ZIC3: variants seen among roughly 807,000 people sequenced by gnomAD.
ZIC3 encodes zinc finger protein ZIC 3.
A neutral mutation model predicts 18.3 loss-of-function variants in ZIC3; 6 were observed. That is an observed-to-expected ratio of 0.33 (90% CI 0.18 to 0.65). The LOEUF is 0.65. ZIC3 is among the 30% of genes least tolerant of loss of function. The probability of loss-of-function intolerance (pLI) is 0.75; values close to 1 mark genes in which losing one functional copy is unlikely to be tolerated. For missense variants in ZIC3, 260 were observed against 410.0 expected (o/e 0.63, Z 3.16); for synonymous variants, 175 against 177.0 (o/e 0.99, Z 0.09).
chrX:137,567,154 G>A lies in ZIC3; in HGVS notation c.463G>A (p.Glu155Lys). Residue 155 changes from glutamate (E) to lysine (K), a missense_variant, in exon 1 of 3, where the codon GAG becomes AAG. By Grantham distance (56) the Glu-to-Lys change is moderately conservative. Coordinates refer to ENST00000287538, the MANE Select transcript of ZIC3 (RefSeq NM_003413.4). ...SSLHAPAGIP[E>K]PPSYLLFPGL... ...CCTGCATGCTCCAGCTGGCATCCCC[G>A]AGCCCCCTAGCTACTTGCTGTTTCC... The A allele has an allele frequency of 8.3e-7, 1 of 1,207,105 alleles. No homozygotes were observed. The highest frequency in any genetic ancestry group is 1.1e-6 in the Non-Finnish European group (1 of 892,690).
At position 137,567,323 on chromosome X, in the gene ZIC3, C is replaced by G. The variant is rs1249944559; in HGVS notation, c.632C>G (p.Ala211Gly). 5.8e-6 allele frequency: 7 copies of G among 1,211,503 alleles called. No individual in the cohort carries two copies. The highest frequency in any genetic ancestry group is 7.8e-6 in the Non-Finnish European group (7 of 895,606). The change falls in exon 1 of 3, where the codon GCG becomes GGG. Residue 211 changes from alanine to glycine, a missense_variant. This residue lies in a region of ZIC3 where 183 missense variants were observed against 223.8 expected (regional missense o/e 0.82). Transcript: ENST00000287538. ...PVASPRTDPYAAGAQFPNYSP... is the reference protein window; with the variant it reads ...PVASPRTDPYGAGAQFPNYSP... Reference sequence around the variant, plus strand: ...GCCAGCCCGCGCACGGACCCCTACGCGGCCGGCGCTCAGTTTCCTAACTAC... The same window carrying G: ...GCCAGCCCGCGCACGGACCCCTACGGGGCCGGCGCTCAGTTTCCTAACTAC...
chrX:137,575,145 C>T (rs928474880), downstream of ZIC3, among the ~76,000 whole-genome samples: 1 of 112,137 alleles, frequency 8.9e-6, no homozygotes, highest in African/African-American at 3.2e-5. Flanking sequence ...AAAAATGCCC[C>T]AAGAGCGGAC....
In ZIC3 at chrX:137,567,272, G is replaced by A; in HGVS notation, c.581G>A (p.Gly194Asp). The A allele has an allele frequency of 8.3e-7, 1 of 1,211,381 alleles. No individual in the cohort carries two copies. The highest frequency in any genetic ancestry group is 1.1e-6 in the Non-Finnish European group (1 of 895,544). Residue 194 changes from glycine (G) to aspartate (D), a missense_variant, in exon 1 of 3, where the codon GGC (glycine) becomes GAC (aspartate). Around this residue, in one of 4 missense-constraint regions of ZIC3, gnomAD observed 183 missense variants for 223.8 expected, o/e 0.82. Transcript: ENST00000287538. ...CTGGGGCTGCGTGGGGAGCTGTTCG[G>A]CCGTGCTGACCCATACCGCCCAGTG... is the stretch of plus-strand genomic sequence containing the variant. ...VHLGLRGELF[G>D]RADPYRPVAS...
intron 1 of ZIC3, 176 bp from the exon 2 acceptor site, chrX:137,568,726 C>G: frequency 1.0e-5 from 3 of 290,373 alleles, no homozygotes; most frequent in Non-Finnish European, 1.9e-5. Flanking sequence ...CTCCCAAACC[C>G]AGCGGGCTCA....
rs1569345668 is a variant in ZIC3, at chrX:137,567,127, A to T, written c.436A>T (p.Ser146Cys). Residue 146 changes from serine (S) to cysteine (C), a missense_variant, in exon 1 of 3, where the codon AGC becomes TGC. Physicochemically the swap from Ser to Cys is moderately radical, Grantham distance 112. Transcript: ENST00000287538. Reference protein sequence around the residue: ...QHGLFAGSASSLHAPAGIPEP... With the variant: ...QHGLFAGSASCLHAPAGIPEP... ...CGGGCTCTTCGCCGGCTCGGCGAGC[A>T]GCCTGCATGCTCCAGCTGGCATCCC... 4 of 1,206,570 alleles carry T rather than the reference A, an allele frequency of 3.3e-6. No homozygotes were observed. Among genetic ancestry groups the T allele is most frequent in the Non-Finnish European group, 4.5e-6 (4 of 893,072 alleles).
At chrX:137,573,345 A>G (rs1931466680), downstream of ZIC3, among the ~76,000 whole-genome samples, 1 of 111,519 alleles carries the variant, frequency 9.0e-6, no homozygotes, top group East Asian at 2.8e-4. Flanking sequence ...CACGCAAGAC[A>G]GAAGTTTGGC....
rs994406389 is a variant in ZIC3, at chrX:137,569,991, C to G, written c.1325C>G (p.Thr442Ser). 6.6e-6 allele frequency: 8 copies of G among 1,212,063 alleles called. No homozygotes were observed. Among genetic ancestry groups the G allele is most frequent in the Non-Finnish European group, 8.9e-6 (8 of 895,546 alleles). Residue 442 changes from threonine (T) to serine (S), a missense_variant, in exon 3 of 3, where the codon ACT becomes AGT. By Grantham distance (58) the Thr-to-Ser change is moderately conservative. This residue lies in a region of ZIC3 where 52 missense variants were observed against 111.5 expected (regional missense o/e 0.47). Coordinates refer to ENST00000287538, the MANE Select transcript of ZIC3 (RefSeq NM_003413.4). ...AIASANSKDT[T>S]KTPSAVQTST... Reference sequence around the variant, plus strand: ...GCTTCTGCAAACAGTAAAGATACCACTAAAACCCCTTCTGCAGTTCAAACT... The same window carrying G: ...GCTTCTGCAAACAGTAAAGATACCAGTAAAACCCCTTCTGCAGTTCAAACT...
chrX:137,568,360 A>G (rs1312027839), intron 1 of ZIC3, among the ~76,000 whole-genome samples: 1 of 109,657 alleles, frequency 9.1e-6, no homozygotes, highest in African/African-American at 3.3e-5. Context: ...CTATCTATCT[A>G]TCTATCTATC....
In ZIC3 at chrX:137,570,079, A is replaced by G. The variant is rs377035964; in HGVS notation, c.*9A>G. The G allele has an allele frequency of 1.2e-5, 15 of 1,209,186 alleles. No homozygotes were observed. In the Middle Eastern group the frequency reaches 1.2e-3, roughly 93 times the overall value. On this transcript the variant is annotated 3_prime_UTR_variant, in exon 3 of 3. Transcript: ENST00000287538. ...ACGAATGGTACGTCTGAGGACAAAC[A>G]CAAACCCTGTTAATTATAGAATGGA... is the stretch of plus-strand genomic sequence containing the variant.
Position 137,567,687 on chromosome X carries a change from C to T in ZIC3, c.996C>T (p.Phe332=), listed in dbSNP as rs766341980. The change falls in exon 1 of 3, where the codon TTC becomes TTT. Residue 332 remains phenylalanine (F), a synonymous_variant. Coordinates refer to ENST00000287538, the MANE Select transcript of ZIC3 (RefSeq NM_003413.4). ...GCGAGAAGCCCTTCCCATGCCCCTT[C>T]CCGGGCTGCGGGAAGATCTTTGCCC... The part of the protein sequence containing the change: ...HTGEKPFPCP[F]PGCGKIFARS... The T allele has an allele frequency of 9.9e-6, 12 of 1,212,598 alleles. No individual in the cohort carries two copies. The highest frequency in any genetic ancestry group is 1.3e-5 in the Non-Finnish European group (12 of 895,716).
chrX:137,573,802 A>G (rs1189569560), downstream of ZIC3: 1 of 112,854 alleles, frequency 8.9e-6, no homozygotes, highest in East Asian at 2.8e-4. Context: ...TCGGGGCTCC[A>G]GCTCAGCTGT....
rs148567981 is a variant in ZIC3, at chrX:137,567,523, C to T, written c.832C>T (p.Leu278=). Residue 278 remains leucine, a synonymous_variant, in exon 1 of 3, where the codon CTG becomes TTG. Coordinates refer to ENST00000287538, the MANE Select transcript of ZIC3 (RefSeq NM_003413.4). ...CDRTFSTMHE[L]VTHVTMEHVG... ...CCGGACCTTCAGCACCATGCATGAGCTGGTGACACATGTCACCATGGAGCA... is the reference window on the plus strand; with the variant it reads ...CCGGACCTTCAGCACCATGCATGAGTTGGTGACACATGTCACCATGGAGCA... The T allele has an allele frequency of 1.7e-5, 21 of 1,210,972 alleles. No homozygotes were observed. Among genetic ancestry groups the T allele is most frequent in the African/African-American group, 1.4e-4 (8 of 57,477 alleles).
downstream of ZIC3, among the ~76,000 whole-genome samples, chrX:137,575,277 G>A (rs1216677146): frequency 1.8e-5 from 2 of 112,027 alleles, no homozygotes; most frequent in African/African-American, 6.5e-5. Context: ...CGTTGCCCAG[G>A]CTCCGTTTTC....
exon 3 of ZIC3, chrX:137,577,626 T>C: frequency 8.3e-6 from 1 of 120,736 alleles, no homozygotes; most frequent in Non-Finnish European, 1.7e-5. Flanking sequence ...TTTATGTTTG[T>C]GTTCAGAAAG....
rs1170938324 is a variant in ZIC3, at chrX:137,572,097, A to G, written c.*2027A>G. Among the ~76,000 whole-genome samples, 1 of 112,257 alleles carries G rather than the reference A, an allele frequency of 8.9e-6. No homozygotes were observed. Among genetic ancestry groups the G allele is most frequent in the African/African-American group, 3.2e-5 (1 of 30,932 alleles). On this transcript the variant is annotated 3_prime_UTR_variant, in exon 3 of 3. Coordinates refer to ENST00000287538, the MANE Select transcript of ZIC3 (RefSeq NM_003413.4). ...AGTCTTGGCACATCTTATTTATGTT[A>G]TAACATTTTTGTATTTGGTGCCTGA...
chrX:137,568,313 ACTGT>A (rs1288316999), intron 1 of ZIC3, among the ~76,000 whole-genome samples: 1 of 108,491 alleles, frequency 9.2e-6, no homozygotes, highest in Non-Finnish European at 1.9e-5. Flanking sequence ...ATCTTGTAAA[ACTGT>A]CTGGAGCCCC....
chrX:137,574,626 CG>C (rs1436388798), downstream of ZIC3, among the ~76,000 whole-genome samples: 1 of 112,049 alleles, frequency 8.9e-6, no homozygotes, highest in Non-Finnish European at 1.9e-5. Flanking sequence ...GCCGTCGAGT[CG>C]GATTTTGCAG....
In ZIC3 at chrX:137,567,359, A is replaced by G. The variant is rs1034877221; in HGVS notation, c.668A>G (p.Asn223Ser). 15 of 1,211,427 alleles carry G rather than the reference A, an allele frequency of 1.2e-5. No homozygotes were observed. Among genetic ancestry groups the G allele is most frequent in the Non-Finnish European group, 1.7e-5 (15 of 895,507 alleles). The stretch of plus-strand genomic sequence containing the variant: ...CAGTTTCCTAACTACAGCCCCATGA[A>G]CATGAACATGGGAGTGAACGTGGCG... ...GAQFPNYSPMNMNMGVNVAAH... is the reference protein window; with the variant it reads ...GAQFPNYSPMSMNMGVNVAAH... Residue 223 changes from asparagine (N) to serine (S), a missense_variant, in exon 1 of 3, where the codon AAC becomes AGC. Physicochemically the swap from Asn to Ser is conservative, Grantham distance 46. Coordinates refer to ENST00000287538, the MANE Select transcript of ZIC3 (RefSeq NM_003413.4).
At position 137,568,934 on chromosome X, in the gene ZIC3, T is replaced by C; in HGVS notation, c.1093T>C (p.Cys365Arg). 1 of 1,211,113 alleles carries C rather than the reference T, an allele frequency of 8.3e-7. No homozygotes were observed. The highest frequency in any genetic ancestry group is 1.1e-6 in the Non-Finnish European group (1 of 895,354). Reference sequence around the variant, plus strand: ...ACCTTTCAAATGTGAATTTGAAGGCTGTGACAGACGCTTTGCCAACAGCAG... The same window carrying C: ...ACCTTTCAAATGTGAATTTGAAGGCCGTGACAGACGCTTTGCCAACAGCAG... ...EKPFKCEFEGCDRRFANSSDR... is the reference protein window; with the variant it reads ...EKPFKCEFEGRDRRFANSSDR... The change falls in exon 2 of 3, where the codon TGT becomes CGT. Residue 365 changes from cysteine (C) to arginine (R), a missense_variant. Cys to Arg is a radical substitution (Grantham distance 180, BLOSUM62 -3). This residue lies in a region of ZIC3 where 52 missense variants were observed against 111.5 expected (regional missense o/e 0.47). Coordinates refer to ENST00000287538, the MANE Select transcript of ZIC3 (RefSeq NM_003413.4).
Sources: allele counts gnomAD v4.1 joint callset (sites outside exome capture counted in the v4.1 genomes callset), GRCh38; gene constraint gnomAD v4.1.1; regional missense constraint gnomAD v4.1.1; transcripts MANE v1.5; gene names NCBI Gene and HGNC (gene_info 2026-07-23, HGNC 2026-07-21).